Variants in PCDHB12 observed in about 807,000 individuals in gnomAD.
PCDHB12 encodes the protein protocadherin beta 12, also known as protocadherin beta-12.
For synonymous variants in PCDHB12, 560 were observed against 445.2 expected (o/e 1.26, Z -3.24); for missense variants, 1,192 against 998.2 (o/e 1.19, Z -2.62).
rs1554286691 is a variant in PCDHB12 at position 141,209,585 on chromosome 5, C to G, written c.678C>G (p.Ala226=). The part of the protein sequence containing the change: ...DGGSPPRSGT[A]LVRVVVVDIN... ...GGTCCCCTCCCAGGTCTGGAACTGC[C>G]TTGGTCAGGGTGGTGGTTGTAGATA... The change falls in exon 1 of 1, where the codon GCC becomes GCG. Residue 226 remains alanine, a synonymous_variant. Transcript: ENST00000239450. 18 of 1,613,992 alleles carry G rather than the reference C, an allele frequency of 1.1e-5. No homozygotes were observed. The highest frequency in any genetic ancestry group is 1.5e-5 in the Non-Finnish European group (18 of 1,180,040).
In PCDHB12 at chr5:141,209,013, A is replaced by T. The variant is rs1173344679; in HGVS notation, c.106A>T (p.Met36Leu). 6.2e-7 allele frequency: 1 copy of T among 1,607,900 alleles called. No individual in the cohort carries two copies. The highest frequency in any genetic ancestry group is 1.3e-5 in the African/African-American group (1 of 74,608). Residue 36 changes from methionine to leucine, a missense_variant, in exon 1 of 1, where the codon ATG becomes TTG. Met to Leu is a conservative substitution (Grantham distance 15). Coordinates refer to ENST00000239450, the MANE Select transcript of PCDHB12 (RefSeq NM_018932.4). ...CTCTGAAACTGGGAACTTTTTGGTGATGGAGGAATTGCAGAGCGGGAGCTT... is the reference window on the plus strand; with the variant it reads ...CTCTGAAACTGGGAACTTTTTGGTGTTGGAGGAATTGCAGAGCGGGAGCTT... ...AGSETGNFLV[M>L]EELQSGSFVG...
At position 141,208,992 on chromosome 5, in the gene PCDHB12, G is replaced by C. The variant is rs1554286572; in HGVS notation, c.85G>C (p.Glu29Gln). 6.2e-7 allele frequency: 1 copy of C among 1,601,460 alleles called. No homozygotes were observed. The highest frequency in any genetic ancestry group is 8.5e-7 in the Non-Finnish European group (1 of 1,174,940). The change falls in exon 1 of 1, where the codon GAA (glutamate) becomes CAA (glutamine). Residue 29 changes from glutamate to glutamine, a missense_variant. By Grantham distance (29) the Glu-to-Gln change is conservative (BLOSUM62 2). Coordinates refer to ENST00000239450, the MANE Select transcript of PCDHB12 (RefSeq NM_018932.4). ...GCTGGGAATGTCTCAGGCGGGCTCT[G>C]AAACTGGGAACTTTTTGGTGATGGA... is the stretch of plus-strand genomic sequence containing the variant. ...VLLGMSQAGS[E>Q]TGNFLVMEEL...
Position 141,209,263 on chromosome 5 carries a change from T to G in PCDHB12, c.356T>G (p.Ile119Ser). 1 of 1,614,206 alleles carries G rather than the reference T, an allele frequency of 6.2e-7. No individual in the cohort carries two copies. Among genetic ancestry groups the G allele is most frequent in the Non-Finnish European group, 8.5e-7 (1 of 1,180,040 alleles). ...LMKNPTQFLQ[I>S]ELQVRDINDH... ...AAAAACCCCACGCAGTTTTTACAAA[T>G]TGAGCTCCAGGTCAGGGATATAAAT... The change falls in exon 1 of 1, where the codon ATT (isoleucine) becomes AGT (serine). Residue 119 changes from isoleucine (I) to serine (S), a missense_variant. Coordinates refer to ENST00000239450, the MANE Select transcript of PCDHB12 (RefSeq NM_018932.4).
At position 141,209,604 on chromosome 5, in the gene PCDHB12, G is replaced by A; in HGVS notation, c.697G>A (p.Val233Ile). 1 of 1,614,174 alleles carries A rather than the reference G, an allele frequency of 6.2e-7. No homozygotes were observed. Among genetic ancestry groups the A allele is most frequent in the Non-Finnish European group, 8.5e-7 (1 of 1,180,024 alleles). Reference sequence around the variant, plus strand: ...AACTGCCTTGGTCAGGGTGGTGGTTGTAGATATTAATGACAACTCCCCTGA... The same window carrying A: ...AACTGCCTTGGTCAGGGTGGTGGTTATAGATATTAATGACAACTCCCCTGA... The part of the protein sequence containing the change: ...SGTALVRVVV[V>I]DINDNSPEFE... The change falls in exon 1 of 1, where the codon GTA (valine) becomes ATA (isoleucine). Residue 233 changes from valine to isoleucine, a missense_variant. Coordinates refer to ENST00000239450, the MANE Select transcript of PCDHB12 (RefSeq NM_018932.4).
rs782016283 is a variant in PCDHB12, at chr5:141,209,787, A to G, written c.880A>G (p.Ile294Val). The change falls in exon 1 of 1, where the codon ATT becomes GTT. Residue 294 changes from isoleucine (I) to valine (V), a missense_variant. Transcript: ENST00000239450. ...ASEDIRKTFEINQKSGDITLT... is the reference protein window; with the variant it reads ...ASEDIRKTFEVNQKSGDITLT... Reference sequence around the variant, plus strand: ...AGAAGATATTCGCAAGACATTTGAAATTAATCAAAAGTCTGGTGACATTAC... The same window carrying G: ...AGAAGATATTCGCAAGACATTTGAAGTTAATCAAAAGTCTGGTGACATTAC... 16 of 1,614,140 alleles carry G rather than the reference A, an allele frequency of 9.9e-6. No individual in the cohort carries two copies. The Admixed American group carries it at 1.0e-4, about 10-fold the overall frequency.
Position 141,210,062 on chromosome 5 carries a change from C to A in PCDHB12, c.1155C>A (p.Ile385=). ...SGDNGKMVCS[I]PEDIPFVLKS... ...ACAACGGAAAGATGGTTTGTTCTAT[C>A]CCGGAGGACATCCCATTCGTGCTAA... Residue 385 remains isoleucine (I), a synonymous_variant, in exon 1 of 1, where the codon ATC becomes ATA. Transcript: ENST00000239450. The A allele has an allele frequency of 6.2e-7, 1 of 1,614,130 alleles. No individual in the cohort carries two copies. The highest frequency in any genetic ancestry group is 8.5e-7 in the Non-Finnish European group (1 of 1,180,034).
chr5:141,209,901 A>G lies in PCDHB12; in HGVS notation c.994A>G (p.Thr332Ala), dbSNP rs1554286769. The G allele has an allele frequency of 6.2e-7, 1 of 1,614,112 alleles. No homozygotes were observed. Among genetic ancestry groups the G allele is most frequent in the African/African-American group, 1.3e-5 (1 of 74,946 alleles). ...TDGGGLFGKS[T>A]VRIQVMDVND... ...TGGGGGAGGACTTTTTGGAAAATCT[A>G]CAGTCAGAATTCAGGTGATGGATGT... Residue 332 changes from threonine to alanine, a missense_variant, in exon 1 of 1, where the codon ACA becomes GCA. Thr to Ala is a moderately conservative substitution (Grantham distance 58). Transcript: ENST00000239450.
In PCDHB12 at chr5:141,209,698, T is replaced by C; in HGVS notation, c.791T>C (p.Val264Ala). The C allele has an allele frequency of 6.2e-7, 1 of 1,614,210 alleles. No homozygotes were observed. The highest frequency in any genetic ancestry group is 1.1e-5 in the South Asian group (1 of 91,090). ...NSILGSLVVT[V>A]SAWDLDSGTN... Reference sequence around the variant, plus strand: ...ATCCTTGGCTCCCTGGTTGTGACCGTCTCAGCCTGGGATTTAGACTCTGGA... The same window carrying C: ...ATCCTTGGCTCCCTGGTTGTGACCGCCTCAGCCTGGGATTTAGACTCTGGA... The change falls in exon 1 of 1, where the codon GTC (valine) becomes GCC (alanine). Residue 264 changes from valine (V) to alanine (A), a missense_variant. By Grantham distance (64) the Val-to-Ala change is moderately conservative. Coordinates refer to ENST00000239450, the MANE Select transcript of PCDHB12 (RefSeq NM_018932.4).
rs782078462 is a variant in PCDHB12 at position 141,209,093 on chromosome 5, G to C, written c.186G>C (p.Arg62=). ...LGLEVSELSS[R]GARVVSNDNK... ...TCGAGGTGAGTGAGCTGTCTTCGCGGGGGGCTCGGGTGGTTTCTAATGATA... is the reference window on the plus strand; with the variant it reads ...TCGAGGTGAGTGAGCTGTCTTCGCGCGGGGCTCGGGTGGTTTCTAATGATA... The change falls in exon 1 of 1, where the codon CGG becomes CGC. Residue 62 remains arginine (R), a synonymous_variant. Coordinates refer to ENST00000239450, the MANE Select transcript of PCDHB12 (RefSeq NM_018932.4). 1 of 1,613,486 alleles carries C rather than the reference G, an allele frequency of 6.2e-7. No homozygotes were observed. Among genetic ancestry groups the C allele is most frequent in the East Asian group, 2.2e-5 (1 of 44,856 alleles).
At position 141,210,121 on chromosome 5, in the gene PCDHB12, CAGAG is replaced by C. The variant is rs781946954; in HGVS notation, c.1218_1221del (p.Glu406AspfsTer25). 1.0e-4 allele frequency: 161 copies of C among 1,614,200 alleles called. No individual in the cohort carries two copies. The highest frequency in any genetic ancestry group is 2.9e-4 in the African/African-American group (22 of 75,040). The stretch of plus-strand genomic sequence containing the variant: ...GTAAATAATTACTACACTTTGGAAA[CAGAG>C]AGACCGCTGGACAGAGAGAGCAGAG... On this transcript the variant is annotated frameshift_variant, in exon 1 of 1. Coordinates refer to ENST00000239450, the MANE Select transcript of PCDHB12 (RefSeq NM_018932.4). LOFTEE classifies it low-confidence loss of function (END_TRUNC).
Position 141,210,272 on chromosome 5 carries a change from C to T in PCDHB12, c.1365C>T (p.Ser455=). Residue 455 remains serine (S), a synonymous_variant, in exon 1 of 1, where the codon TCC becomes TCT. Transcript: ENST00000239450. ...NDNAPAFTQT[S]YALFVRENNS... Reference sequence around the variant, plus strand: ...ACGCCCCCGCCTTCACCCAAACTTCCTACGCCCTGTTCGTCCGCGAGAACA... The same window carrying T: ...ACGCCCCCGCCTTCACCCAAACTTCTTACGCCCTGTTCGTCCGCGAGAACA... 6.2e-7 allele frequency: 1 copy of T among 1,614,092 alleles called. No individual in the cohort carries two copies. The highest frequency in any genetic ancestry group is 8.5e-7 in the Non-Finnish European group (1 of 1,180,042).
chr5:141,211,287 G>T lies in PCDHB12; in HGVS notation c.2380G>T (p.Gly794Cys), dbSNP rs782132861. 7 of 1,582,916 alleles carry T rather than the reference G, an allele frequency of 4.4e-6. No homozygotes were observed. Among genetic ancestry groups the T allele is most frequent in the Admixed American group, 1.9e-5 (1 of 53,218 alleles). Residue 794 changes from glycine to cysteine, a missense_variant, in exon 1 of 1, where the codon GGT (glycine) becomes TGT (cysteine). Gly to Cys is a radical substitution (Grantham distance 159, BLOSUM62 -3). Coordinates refer to ENST00000239450, the MANE Select transcript of PCDHB12 (RefSeq NM_018932.4). ...EENPPFQNNL[G>C]F is the part of the protein sequence containing the mutation. The stretch of plus-strand genomic sequence containing the variant: ...AAATCCCCCATTTCAGAATAATTTG[G>T]GTTTCTGATAAAGAATGAAAAATAA...
chr5:141,209,007 T>C lies in PCDHB12; in HGVS notation c.100T>C (p.Leu34=), dbSNP rs782432362. ...GGCGGGCTCTGAAACTGGGAACTTT[T>C]TGGTGATGGAGGAATTGCAGAGCGG... ...SQAGSETGNF[L]VMEELQSGSF... Residue 34 remains leucine (L), a synonymous_variant, in exon 1 of 1, where the codon TTG becomes CTG. Coordinates refer to ENST00000239450, the MANE Select transcript of PCDHB12 (RefSeq NM_018932.4). The C allele has an allele frequency of 1.2e-6, 2 of 1,606,346 alleles. No individual in the cohort carries two copies.
rs1754480377 is a variant in PCDHB12 at position 141,212,428 on chromosome 5, A to C, written c.*1133A>C. The stretch of plus-strand genomic sequence containing the variant: ...TATAGATGATCATTAAATTTTTAGA[A>C]ATTTTGGGGAGTTAAGGAGAAGCAT... On this transcript the variant is annotated 3_prime_UTR_variant, in exon 1 of 1. Transcript: ENST00000239450. 6.6e-6 allele frequency: 1 copy of C among 152,428 alleles called. No individual in the cohort carries two copies. Among genetic ancestry groups the C allele is most frequent in the Non-Finnish European group, 1.5e-5 (1 of 67,968 alleles). 9.4% of individuals were successfully genotyped at this position (152,428 alleles called of 1,614,324 possible).
chr5:141,210,851 C>G lies in PCDHB12; in HGVS notation c.1944C>G (p.Gly648=), dbSNP rs782064771. The change falls in exon 1 of 1, where the codon GGC becomes GGG. Residue 648 remains glycine (G), a synonymous_variant. Coordinates refer to ENST00000239450, the MANE Select transcript of PCDHB12 (RefSeq NM_018932.4). ...HRLVVLVKDN[G]EPPRSATATL... is the part of the protein sequence containing the mutation. ...TGGTGGTGCTGGTCAAGGACAATGG[C>G]GAGCCTCCGCGCTCGGCCACCGCCA... 17 of 1,602,462 alleles carry G rather than the reference C, an allele frequency of 1.1e-5. No homozygotes were observed. Among genetic ancestry groups the G allele is most frequent in the Non-Finnish European group, 1.4e-5 (16 of 1,179,100 alleles).
chr5:141,210,069 G>A lies in PCDHB12; in HGVS notation c.1162G>A (p.Asp388Asn), dbSNP rs782295370. Reference sequence around the variant, plus strand: ...AAAGATGGTTTGTTCTATCCCGGAGGACATCCCATTCGTGCTAAAATCTTC... The same window carrying A: ...AAAGATGGTTTGTTCTATCCCGGAGAACATCCCATTCGTGCTAAAATCTTC... ...NGKMVCSIPEDIPFVLKSSVN... is the reference protein window; with the variant it reads ...NGKMVCSIPENIPFVLKSSVN... Residue 388 changes from aspartate to asparagine, a missense_variant, in exon 1 of 1, where the codon GAC becomes AAC. Coordinates refer to ENST00000239450, the MANE Select transcript of PCDHB12 (RefSeq NM_018932.4). The A allele has an allele frequency of 3.7e-6, 6 of 1,614,042 alleles. No individual in the cohort carries two copies.
chr5:141,209,480 C>A lies in PCDHB12; in HGVS notation c.573C>A (p.Tyr191Ter). The change falls in exon 1 of 1, where the codon TAC becomes TAA. Residue 191 changes from tyrosine to a stop codon, truncating the protein, a stop_gained. Coordinates refer to ENST00000239450, the MANE Select transcript of PCDHB12 (RefSeq NM_018932.4). LOFTEE classifies it low-confidence loss of function (END_TRUNC). ...GAGTCAATCCAGACAATAGGAAATA[C>A]CCTGAGTTAGTTCTGGACAAGGCGC... ...KIRVNPDNRK[Y>*]PELVLDKALD... 6.2e-7 allele frequency: 1 copy of A among 1,614,178 alleles called. No individual in the cohort carries two copies. The highest frequency in any genetic ancestry group is 8.5e-7 in the Non-Finnish European group (1 of 1,180,026).
In PCDHB12 at chr5:141,211,374, A is replaced by G. The variant is rs1430018412; in HGVS notation, c.*79A>G. The stretch of plus-strand genomic sequence containing the variant: ...TATCGTGAGGTGCCTGTAAAGTAGT[A>G]TTTTTGATCACTTCAAATACATACT... On this transcript the variant is annotated 3_prime_UTR_variant, in exon 1 of 1. Coordinates refer to ENST00000239450, the MANE Select transcript of PCDHB12 (RefSeq NM_018932.4). 9 of 1,333,890 alleles carry G rather than the reference A, an allele frequency of 6.7e-6. No individual in the cohort carries two copies. The highest frequency in any genetic ancestry group is 9.4e-6 in the Non-Finnish European group (9 of 962,094). The allele number at this position is 1,333,890 out of a possible 1,614,324, so 82.6% of individuals were successfully genotyped here.
rs1563976157 is a variant in PCDHB12 at position 141,209,102 on chromosome 5, GGTGGTTTCTAATGATA to G, written c.196_211del (p.Val66ThrfsTer16). 5 of 1,613,856 alleles carry G rather than the reference GGTGGTTTCTAATGATA, an allele frequency of 3.1e-6. No individual in the cohort carries two copies. Among genetic ancestry groups the G allele is most frequent in the South Asian group, 2.2e-5 (2 of 91,068 alleles). On this transcript the variant is annotated frameshift_variant, in exon 1 of 1. Coordinates refer to ENST00000239450, the MANE Select transcript of PCDHB12 (RefSeq NM_018932.4). LOFTEE classifies it low-confidence loss of function (END_TRUNC). ...GTGAGCTGTCTTCGCGGGGGGCTCGGGTGGTTTCTAATGATAACAAAGAGTGTTTGCAGCTGGACAC... is the reference window on the plus strand; with the variant it reads ...GTGAGCTGTCTTCGCGGGGGGCTCGGACAAAGAGTGTTTGCAGCTGGACAC...
Sources: gnomAD v4.1 joint callset for allele counts on GRCh38, gnomAD v4.1.1 for gene constraint, MANE v1.5 for transcripts, NCBI Gene and HGNC (gene_info 2026-07-23, HGNC 2026-07-21) for gene names.